The following KLRG1 variants were observed in gnomAD, a reference collection of about 807,000 sequenced individuals.
KLRG1 encodes the protein killer cell lectin like receptor G1, also known as killer cell lectin-like receptor subfamily G member 1.
In KLRG1, 16 loss-of-function variants were observed where a neutral mutation model predicts 21.8. That is an observed-to-expected ratio of 0.73 (90% CI 0.50 to 1.11). The LOEUF (loss-of-function observed/expected upper bound fraction) is 1.11, where lower values mean the gene tolerates loss of function less well. KLRG1 is among the 50% of genes most tolerant of loss of function. The pLI, the probability that KLRG1 is intolerant of heterozygous loss-of-function variation, is 0.00. For synonymous variants in KLRG1, 69 were observed against 75.9 expected (o/e 0.91, Z 0.47); for missense variants, 173 against 218.3 (o/e 0.79, Z 1.31).
chr12:9,106,810 A>G, the KLRG1 span, among the ~76,000 whole-genome samples: 3 of 152,194 alleles, frequency 2.0e-5, no homozygotes, highest in Admixed American at 1.3e-4. Context: ...ATTCCTTGGT[A>G]TCTGAAATTC....
chr12:9,041,404 C>A, the KLRG1 span, among the ~76,000 whole-genome samples: 1 of 152,274 alleles, frequency 6.6e-6, no homozygotes, highest in Middle Eastern at 3.4e-3. Context: ...TAAACTGCAC[C>A]TGTTTGACAT....
chr12:9,109,145 A>G, the KLRG1 span, among the ~76,000 whole-genome samples: 2 of 152,240 alleles, frequency 1.3e-5, no homozygotes, highest in Non-Finnish European at 2.9e-5. Context: ...TAAGAACGTG[A>G]AAGAAAATAA....
chr12:9,089,028 T>A, the KLRG1 span, among the ~76,000 whole-genome samples: 1 of 152,226 alleles, frequency 6.6e-6, no homozygotes, highest in Non-Finnish European at 1.5e-5. Context: ...CCTAGGGATA[T>A]TCTGATCAAA....
chr12:9,185,219 A>G, the KLRG1 span, among the ~76,000 whole-genome samples: 1 of 152,360 alleles, frequency 6.6e-6, no homozygotes, highest in South Asian at 2.1e-4. Context: ...CAAAATAGCC[A>G]GTATAGAAAA....
the KLRG1 span, chr12:9,113,274 T>TC: frequency 7.0e-7 from 1 of 1,438,132 alleles, no homozygotes; most frequent in Non-Finnish European, 9.4e-7. Context: ...CTTACCAACC[T>TC]CCCAAAGCCT....
chr12:9,076,735 G>A, the KLRG1 span: 2 of 1,613,286 alleles, frequency 1.2e-6, no homozygotes, highest in African/African-American at 2.7e-5. Flanking sequence ...GCCAGGAGAA[G>A]GATCTCAGGT....
At chr12:9,207,741 A>G in the KLRG1 span, among the ~76,000 whole-genome samples, 2 of 152,218 alleles carry the variant, frequency 1.3e-5, no homozygotes, top group Non-Finnish European at 2.9e-5. Context: ...GAGGAGAGGA[A>G]CTGGGGAGAG....
the KLRG1 span, among the ~76,000 whole-genome samples, chr12:9,206,378 A>C: frequency 1.3e-5 from 2 of 152,206 alleles, no homozygotes; most frequent in Admixed American, 1.3e-4. Flanking sequence ...TTCAGTTAAT[A>C]TTTTTTTAAC....
At chr12:9,150,576 G>A in the KLRG1 span, 7 of 1,047,482 alleles carry the variant, frequency 6.7e-6, no homozygotes, top group Non-Finnish European at 1.0e-5. Context: ...CTAAGAAGAG[G>A]ATCAACTGTC....
chr12:9,115,451 A>C, the KLRG1 span: 1 of 197,204 alleles, frequency 5.1e-6, no homozygotes, highest in South Asian at 9.6e-5. Context: ...AGAAAGAGGA[A>C]ATAAGAAAAG....
At chr12:9,176,411 A>G in the KLRG1 span, among the ~76,000 whole-genome samples, 4,255 of 152,314 alleles carry the variant, frequency 0.028, 179 homozygotes, top group African/African-American at 0.093. Flanking sequence ...ATGTTTACCT[A>G]TGTAACAACC....
At chr12:9,138,813 G>T in the KLRG1 span, among the ~76,000 whole-genome samples, 2 of 152,026 alleles carry the variant, frequency 1.3e-5, no homozygotes, top group South Asian at 2.1e-4. Context: ...ATTTCTAAAA[G>T]AGCAGTTATA....
At chr12:9,023,295 G>A in the KLRG1 span, among the ~76,000 whole-genome samples, 1 of 152,244 alleles carries the variant, frequency 6.6e-6, no homozygotes, top group African/African-American at 2.4e-5. Flanking sequence ...CTGCAGAATC[G>A]ATTGCTTGCT....
At chr12:9,098,840 G>T in the KLRG1 span, 1 of 1,488,660 alleles carries the variant, frequency 6.7e-7, no homozygotes, top group Non-Finnish European at 9.1e-7. Context: ...TGTTCCTCAT[G>T]TACAATGTAT....
At chr12:8,955,805 G>C (rs1475846254) in intron 1 of KLRG1, among the ~76,000 whole-genome samples, 1 of 151,940 alleles carries the variant, frequency 6.6e-6, no homozygotes, top group Non-Finnish European at 1.5e-5. Flanking sequence ...AGGTAGATAC[G>C]GGCGGGTCCC....
the KLRG1 span, among the ~76,000 whole-genome samples, chr12:9,078,414 C>T: frequency 2.0e-5 from 3 of 152,194 alleles, no homozygotes; most frequent in African/African-American, 7.2e-5. Context: ...TGTATATGTA[C>T]CACATTTTCT....
At chr12:9,198,394 CTTT>C in the KLRG1 span, among the ~76,000 whole-genome samples, 2 of 152,082 alleles carry the variant, frequency 1.3e-5, no homozygotes, top group Non-Finnish European at 2.9e-5. Context: ...TATCATTCTT[CTTT>C]ATTTTGTTTT....
the KLRG1 span, among the ~76,000 whole-genome samples, chr12:9,141,174 G>A: frequency 4.9e-4 from 75 of 152,128 alleles, no homozygotes; most frequent in African/African-American, 1.6e-3. Flanking sequence ...TACTGATAAC[G>A]TACACTAAGA....
the KLRG1 span, chr12:9,200,468 G>A: frequency 1.3e-6 from 2 of 1,540,414 alleles, no homozygotes; most frequent in East Asian, 2.2e-5. Flanking sequence ...GAGATAATAG[G>A]AATAAGGAAG....
Sources: gnomAD v4.1 joint callset for allele counts (sites outside exome capture counted in the v4.1 genomes callset) on GRCh38, gnomAD v4.1.1 for gene constraint, MANE v1.5 for transcripts, NCBI Gene and HGNC (gene_info 2026-07-23, HGNC 2026-07-21) for gene names.